CECR2: variants seen among roughly 807,000 people sequenced by gnomAD.
CECR2 encodes the protein CECR2 histone acetyl-lysine reader.
In CECR2, 30 loss-of-function variants were observed where a neutral mutation model predicts 154.5. The observed-to-expected ratio is 0.19, with a 90% CI of 0.15 to 0.26. The LOEUF is 0.26. CECR2 is among the 10% of genes least tolerant of loss of function. CECR2 has a pLI of 1.00. For synonymous variants in CECR2, 725 were observed against 683.7 expected (o/e 1.06, Z -0.94); for missense variants, 1,743 against 1,829.3 (o/e 0.95, Z 0.86).
chr22:17,553,031 A>G lies in CECR2; in HGVS notation c.*191A>G, dbSNP rs995022282. The G allele has an allele frequency of 6.8e-6, 9 of 1,320,448 alleles. No homozygotes were observed. Among genetic ancestry groups the G allele is most frequent in the Non-Finnish European group, 8.8e-6 (9 of 1,021,338 alleles). The allele number at this position is 1,320,448 out of a possible 1,614,324, so 81.8% of individuals were successfully genotyped here. On this transcript the variant is annotated 3_prime_UTR_variant, in exon 19 of 19. Coordinates refer to ENST00000262608, the MANE Select transcript of CECR2 (RefSeq NM_001290047.2). Reference sequence around the variant, plus strand: ...GACACTCCTTAGATGACTGACACACAGATTGCAAAGGTCCTCGGCCAGGGA... The same window carrying G: ...GACACTCCTTAGATGACTGACACACGGATTGCAAAGGTCCTCGGCCAGGGA...
At chr22:17,374,968 C>T (rs1023334225) in intron 1 of CECR2, among the ~76,000 whole-genome samples, 3 of 151,978 alleles carry the variant, frequency 2.0e-5, no homozygotes, top group Non-Finnish European at 4.4e-5. Flanking sequence ...AAATGACGGG[C>T]CAGACCCATA....
chr22:17,520,621 GT>G (rs2056141694), intron 8 of CECR2, among the ~76,000 whole-genome samples: 1 of 151,892 alleles, frequency 6.6e-6, no homozygotes, highest in East Asian at 1.9e-4. Context: ...TCCCCGCCCT[GT>G]GCCCAAGTGT....
Position 17,482,115 on chromosome 22 carries a change from C to CAAAAAAA in CECR2, c.221+4453_221+4459dup, listed in dbSNP as rs869050391. Among the ~76,000 whole-genome samples, 19 of 76,314 alleles carry CAAAAAAA rather than the reference C, an allele frequency of 2.5e-4. No individual in the cohort carries two copies. In the East Asian group the frequency reaches 4.0e-3, roughly 16 times the overall value. 50.1% of individuals were successfully genotyped at this position (76,314 alleles called of 152,430 possible). ...GGGTGACAGATCGAGACTCTGTCTC[C>CAAAAAAA]AAAAAAAAAAAAAAAAAAAAAAAAA... is the stretch of plus-strand genomic sequence containing the variant. On this transcript the variant is annotated intron_variant, in intron 2 of 18. Transcript: ENST00000262608.
At chr22:17,383,050 C>T (rs2063217836) in intron 1 of CECR2, among the ~76,000 whole-genome samples, 1 of 152,084 alleles carries the variant, frequency 6.6e-6, no homozygotes, top group Non-Finnish European at 1.5e-5. Context: ...GGTGGTGAAA[C>T]CCCATCTCTA....
rs752465426 is a variant in CECR2 at position 17,548,516 on chromosome 22, G to A, written c.3229G>A (p.Glu1077Lys). ...GAAGGGCCTTGGTAGCAGTGGTTCCGAAAAGCTGCTCTGCCCCAGAGGCAG... is the reference window on the plus strand; with the variant it reads ...GAAGGGCCTTGGTAGCAGTGGTTCCAAAAAGCTGCTCTGCCCCAGAGGCAG... ...EGKGLGSSGS[E>K]KLLCPRGRTL... The change falls in exon 17 of 19, where the codon GAA (glutamate) becomes AAA (lysine). Residue 1077 changes from glutamate (E) to lysine (K), a missense_variant. Glu to Lys is a moderately conservative substitution (Grantham distance 56). Transcript: ENST00000262608. The A allele has an allele frequency of 2.4e-5, 38 of 1,613,628 alleles. No homozygotes were observed. In the African/African-American group the frequency reaches 2.5e-4, roughly 11 times the overall value.
intron 10 of CECR2, 65 bp from the exon 11 acceptor site, chr22:17,538,455 C>T: frequency 1.4e-6 from 2 of 1,439,152 alleles, no homozygotes; most frequent in Non-Finnish European, 2.0e-6. Context: ...CTGCGATAGA[C>T]CTGAGAGAGC....
chr22:17,431,374 T>C (rs1469994959), intron 1 of CECR2, among the ~76,000 whole-genome samples: 1 of 152,128 alleles, frequency 6.6e-6, no homozygotes, highest in Non-Finnish European at 1.5e-5. Flanking sequence ...TTATAGTGTC[T>C]GTGCAAAACA....
intron 1 of CECR2, among the ~76,000 whole-genome samples, chr22:17,463,312 T>C (rs1601400692): frequency 6.6e-6 from 1 of 152,138 alleles, no homozygotes; most frequent in African/African-American, 2.4e-5. Flanking sequence ...GATTTAGTTC[T>C]AAAGGAGACA....
At chr22:17,382,113 A>C (rs2063203080) in intron 1 of CECR2, among the ~76,000 whole-genome samples, 1 of 150,038 alleles carries the variant, frequency 6.7e-6, no homozygotes, top group Admixed American at 6.6e-5. Context: ...GATGGTCTTG[A>C]TCTCCTGACC....
chr22:17,465,684 C>T (rs757298212), intron 1 of CECR2, among the ~76,000 whole-genome samples: 4 of 152,120 alleles, frequency 2.6e-5, no homozygotes, highest in East Asian at 1.9e-4. Flanking sequence ...GGGGTTTCAC[C>T]GTCTTGGCCA....
intron 1 of CECR2, among the ~76,000 whole-genome samples, chr22:17,454,395 G>A (rs1601385999): frequency 6.6e-6 from 1 of 151,620 alleles, no homozygotes; most frequent in Non-Finnish European, 1.5e-5. Flanking sequence ...CACGAGGTCA[G>A]GAGATCAAGA....
chr22:17,383,222 C>T (rs1379386456), intron 1 of CECR2, among the ~76,000 whole-genome samples: 1 of 152,078 alleles, frequency 6.6e-6, no homozygotes, highest in Non-Finnish European at 1.5e-5. Context: ...AAGACTCCGT[C>T]TCCAAAAAAA....
intron 9 of CECR2, among the ~76,000 whole-genome samples, chr22:17,535,687 GAA>G (rs34098877): frequency 0.19 from 22,344 of 117,382 alleles, 1,961 homozygotes; most frequent in Non-Finnish European, 0.25. Context: ...TTTTTTTCCA[GAA>G]AAAAAAAAAA....
At chr22:17,523,012 A>G (rs695732) in intron 8 of CECR2, among the ~76,000 whole-genome samples, 21,571 of 111,576 alleles carry the variant, frequency 0.19, 2,005 homozygotes, top group East Asian at 0.47. Context: ...CTCGGGGGGA[A>G]AAAAAAAAGC....
chr22:17,538,596 G>T (rs1336851440), intron 11 of CECR2, 39 bp downstream of exon 11: 1 of 1,613,546 alleles, frequency 6.2e-7, no homozygotes, highest in Non-Finnish European at 8.5e-7. Flanking sequence ...TGTGATAGAA[G>T]TTTTCCTCTG....
chr22:17,511,923 G>A (rs755549503), intron 8 of CECR2, 27 bp downstream of exon 8: 4 of 1,536,018 alleles, frequency 2.6e-6, no homozygotes, highest in African/African-American at 1.4e-5. Flanking sequence ...GTAGCGAGGA[G>A]GAGCTTTCCT....
At chr22:17,385,064 G>A (rs1224841689) in intron 1 of CECR2, among the ~76,000 whole-genome samples, 4 of 152,144 alleles carry the variant, frequency 2.6e-5, no homozygotes, top group South Asian at 2.1e-4. Context: ...CTAAGCCTTC[G>A]TAGAATTGAA....
chr22:17,376,624 A>G (rs1335705931), intron 1 of CECR2, among the ~76,000 whole-genome samples: 2 of 151,344 alleles, frequency 1.3e-5, no homozygotes, highest in Non-Finnish European at 2.9e-5. Flanking sequence ...GATGTGACTA[A>G]ACACATTTTC....
chr22:17,360,575 G>T (rs536239282), intron 1 of CECR2, among the ~76,000 whole-genome samples: 1 of 152,110 alleles, frequency 6.6e-6, no homozygotes, highest in Admixed American at 6.6e-5. Flanking sequence ...TACTCAGGAG[G>T]CTAAGACAGG....
Sources: allele counts gnomAD v4.1 joint callset (sites outside exome capture counted in the v4.1 genomes callset), GRCh38; gene constraint gnomAD v4.1.1; transcripts MANE v1.5; gene names NCBI Gene and HGNC (gene_info 2026-07-23, HGNC 2026-07-21).